Variants in BHMT observed in about 807,000 individuals in gnomAD.
The protein encoded by BHMT is betaine--homocysteine S-methyltransferase.
BHMT carries 38 observed loss-of-function variants against 49.5 expected under a neutral mutation model. The observed-to-expected ratio is 0.77, with a 90% CI of 0.59 to 1.01. The LOEUF (loss-of-function observed/expected upper bound fraction) is 1.01, where lower values mean the gene tolerates loss of function less well. BHMT is among the 50% of genes least tolerant of loss of function. The pLI, the probability that BHMT is intolerant of heterozygous loss-of-function variation, is 0.00. For missense variants in BHMT, 426 were observed against 495.7 expected (o/e 0.86, Z 1.34); for synonymous variants, 166 against 176.3 (o/e 0.94, Z 0.46).
intron 6 of BHMT, among the ~76,000 whole-genome samples, chr5:79,126,914 T>C (rs566960908): frequency 8.4e-4 from 128 of 152,142 alleles, no homozygotes; most frequent in Middle Eastern, 3.4e-3. Context: ...TATTTCCTTC[T>C]AAGGTCTTTA....
intron 5 of BHMT, among the ~76,000 whole-genome samples, chr5:79,123,547 CGTTGGTTG>C (rs1756507157): frequency 5.4e-5 from 1 of 18,368 alleles, no homozygotes; most frequent in Admixed American, 1.1e-3. Flanking sequence ...TTGGTTGGTT[CGTTGGTTG>C]GTTGGTTGGT....
rs1756578022 is a variant in BHMT, at chr5:79,127,977, G to A, written c.1031G>A (p.Arg344Lys). Residue 344 changes from arginine (R) to lysine (K), a missense_variant, in exon 7 of 8, where the codon AGA (arginine) becomes AAA (lysine). Around this residue, in one of 3 missense-constraint regions of BHMT, gnomAD observed 32 missense variants for 71.6 expected, o/e 0.45. Transcript: ENST00000274353. The part of the protein sequence containing the change: ...GLDMHTKPWV[R>K]ARARKEYWEN... ...GACATGCACACCAAACCCTGGGTTA[G>A]AGCAAGGTAAGCATCTTTTTACTAA... The A allele has an allele frequency of 6.2e-7, 1 of 1,611,730 alleles. No homozygotes were observed. The highest frequency in any genetic ancestry group is 1.3e-5 in the African/African-American group (1 of 74,912).
intron 7 of BHMT, among the ~76,000 whole-genome samples, chr5:79,129,376 A>G (rs1352766597): frequency 1.3e-5 from 2 of 152,230 alleles, no homozygotes; most frequent in African/African-American, 4.8e-5. Flanking sequence ...GAGAGGAATT[A>G]CATTGCTAGA....
Position 79,131,787 on chromosome 5 carries a change from T to C in BHMT, c.*671T>C, listed in dbSNP as rs983347684. On this transcript the variant is annotated 3_prime_UTR_variant, in exon 8 of 8. Coordinates refer to ENST00000274353, the MANE Select transcript of BHMT (RefSeq NM_001713.3). ...ACCATCCTGTTTAAGTTTATTCTTATAAGTAGGTCAGTCATATGAGACCTG... is the reference window on the plus strand; with the variant it reads ...ACCATCCTGTTTAAGTTTATTCTTACAAGTAGGTCAGTCATATGAGACCTG... 3 of 152,244 alleles carry C rather than the reference T, an allele frequency of 2.0e-5. No homozygotes were observed. Among genetic ancestry groups the C allele is most frequent in the Non-Finnish European group, 4.4e-5 (3 of 68,046 alleles). The allele number at this position is 152,244 out of a possible 1,614,324, so 9.4% of individuals were successfully genotyped here. A position where few individuals can be genotyped will look rare whatever the true frequency, so the allele number is the denominator to read the frequency against.
At chr5:79,118,622 A>T (rs2085386306) in intron 2 of BHMT, among the ~76,000 whole-genome samples, 1 of 152,222 alleles carries the variant, frequency 6.6e-6, no homozygotes, top group Non-Finnish European at 1.5e-5. Context: ...CCAGTTGCTT[A>T]AAAACTATAT....
chr5:79,114,716 C>A (rs1331723615), intron 1 of BHMT, among the ~76,000 whole-genome samples: 1 of 152,098 alleles, frequency 6.6e-6, no homozygotes, highest in African/African-American at 2.4e-5. Flanking sequence ...AGTCAGGAAG[C>A]CCTATGCTCC....
intron 1 of BHMT, 119 bp from the exon 2 acceptor site, chr5:79,115,648 T>C: frequency 1.7e-5 from 20 of 1,166,902 alleles, no homozygotes; most frequent in Non-Finnish European, 2.3e-5. Flanking sequence ...TATACATTTT[T>C]CTCTGAAAAT....
chr5:79,124,454 T>C (rs1310379066), intron 5 of BHMT, among the ~76,000 whole-genome samples: 2 of 111,268 alleles, frequency 1.8e-5, no homozygotes, highest in African/African-American at 5.8e-5. Flanking sequence ...ACCACCATTT[T>C]TAAAATGCAA....
intron 1 of BHMT, 95 bp from the exon 2 acceptor site, chr5:79,115,672 C>A: frequency 1.5e-6 from 2 of 1,346,574 alleles, no homozygotes; most frequent in East Asian, 2.5e-5. Context: ...AAAATAACCA[C>A]ACATCTCCAA....
At position 79,131,120 on chromosome 5, in the gene BHMT, C is replaced by T. The variant is rs374086802; in HGVS notation, c.*4C>T. The T allele has an allele frequency of 6.9e-6, 11 of 1,603,832 alleles. No homozygotes were observed. The highest frequency in any genetic ancestry group is 4.5e-5 in the South Asian group (4 of 89,338). On this transcript the variant is annotated 3_prime_UTR_variant, in exon 8 of 8. Coordinates refer to ENST00000274353, the MANE Select transcript of BHMT (RefSeq NM_001713.3). ...ACAAAAATTCAAATCACAGTAGCCTCGATAGAAGCTATTTTTGATGAATTT... is the reference window on the plus strand; with the variant it reads ...ACAAAAATTCAAATCACAGTAGCCTTGATAGAAGCTATTTTTGATGAATTT...
At chr5:79,120,286 G>C in intron 3 of BHMT, 64 bp from the exon 4 acceptor site, 1 of 1,390,282 alleles carries the variant, frequency 7.2e-7, no homozygotes, top group Non-Finnish European at 9.7e-7. Context: ...GTGAATGTTT[G>C]AATAATAATT....
chr5:79,120,615 C>T (rs1472463552), intron 4 of BHMT, 74 bp downstream of exon 4: 34 of 1,403,380 alleles, frequency 2.4e-5, no homozygotes, highest in Non-Finnish European at 3.3e-5. Flanking sequence ...TTCAAGAGTA[C>T]TGTGTGGGGT....
At chr5:79,120,591 C>G in intron 4 of BHMT, 50 bp downstream of exon 4, 1 of 1,532,114 alleles carries the variant, frequency 6.5e-7, no homozygotes, top group Non-Finnish European at 8.8e-7. Flanking sequence ...AGTACATTTT[C>G]TCTACCTTTT....
At chr5:79,122,360 A>T (rs1018461417) in intron 5 of BHMT, among the ~76,000 whole-genome samples, 1 of 152,190 alleles carries the variant, frequency 6.6e-6, no homozygotes, top group Non-Finnish European at 1.5e-5. Context: ...ATCATGGAAC[A>T]TTATTTTCAT....
In BHMT at chr5:79,131,762, A is replaced by C. The variant is rs573861922; in HGVS notation, c.*646A>C. ...ATATTGCTACAAGACACTTAAGGAG[A>C]CCATCCTGTTTAAGTTTATTCTTAT... On this transcript the variant is annotated 3_prime_UTR_variant, in exon 8 of 8. Transcript: ENST00000274353. 6.6e-6 allele frequency: 1 copy of C among 152,300 alleles called. No homozygotes were observed. Among genetic ancestry groups the C allele is most frequent in the East Asian group, 1.9e-4 (1 of 5,190 alleles). The allele number at this position is 152,300 out of a possible 1,614,324, so 9.4% of individuals were successfully genotyped here. A position where few individuals can be genotyped will look rare whatever the true frequency, so the allele number is the denominator to read the frequency against.
intron 1 of BHMT, 139 bp from the exon 2 acceptor site, chr5:79,115,628 A>T: frequency 2.1e-6 from 2 of 937,356 alleles, no homozygotes; most frequent in Non-Finnish European, 3.0e-6. Flanking sequence ...CCATAAATGT[A>T]TATATAAAAT....
intron 2 of BHMT, 130 bp from the exon 3 acceptor site, chr5:79,119,129 C>A: frequency 1.4e-6 from 1 of 711,500 alleles, no homozygotes; most frequent in East Asian, 2.6e-5. Flanking sequence ...CTCATCTACC[C>A]CTAAGATGTG....
chr5:79,125,680 G>A (rs1042545297), intron 5 of BHMT, among the ~76,000 whole-genome samples: 4 of 151,986 alleles, frequency 2.6e-5, no homozygotes, highest in Non-Finnish European at 4.4e-5. Context: ...GCTCATGCCT[G>A]TAATCCCAGC....
chr5:79,124,148 A>T (rs1756514080), intron 5 of BHMT, among the ~76,000 whole-genome samples: 1 of 152,132 alleles, frequency 6.6e-6, no homozygotes, highest in Admixed American at 6.6e-5. Flanking sequence ...GGGGAAAATA[A>T]GGAGTTAGTT....
Sources: gnomAD v4.1 joint callset for allele counts (sites outside exome capture counted in the v4.1 genomes callset) on GRCh38, gnomAD v4.1.1 for gene constraint, gnomAD v4.1.1 regional missense constraint, MANE v1.5 for transcripts, NCBI Gene and HGNC (gene_info 2026-07-23, HGNC 2026-07-21) for gene names.